EIF2AK2: variants seen among roughly 807,000 people sequenced by gnomAD.
The protein encoded by EIF2AK2 is interferon-induced, double-stranded RNA-activated protein kinase.
EIF2AK2 carries 40 observed loss-of-function variants against 70.5 expected under a neutral mutation model. The ratio of observed to expected loss-of-function variants is 0.57; its 90% CI spans 0.44 to 0.74. EIF2AK2 has a LOEUF of 0.74. EIF2AK2 is among the 30% of genes least tolerant of loss of function. EIF2AK2 has a pLI of 0.00. For synonymous variants in EIF2AK2, 198 were observed against 220.9 expected (o/e 0.90, Z 0.92); for missense variants, 555 against 644.3 (o/e 0.86, Z 1.50).
intron 11 of EIF2AK2, among the ~76,000 whole-genome samples, chr2:37,123,798 G>C (rs1674638262): frequency 1.3e-5 from 2 of 152,094 alleles, no homozygotes; most frequent in Non-Finnish European, 2.9e-5. Context: ...CAAGACCTAA[G>C]AAAATTCCAT....
rs570508885 is a variant in EIF2AK2, at chr2:37,139,716, A to G, written c.431T>C (p.Ile144Thr). Residue 144 changes from isoleucine to threonine, a missense_variant, in exon 6 of 17, where the codon ATT becomes ACT. Coordinates refer to ENST00000233057, the MANE Select transcript of EIF2AK2 (RefSeq NM_001135651.3). ...KCKMGQKEYS[I>T]GTGSTKQEAK... ...TTCCTGTTTAGTAGAACCTGTACCA[A>G]TACTATATTCTTTCTGTCCCATTTT... 3 of 1,613,672 alleles carry G rather than the reference A, an allele frequency of 1.9e-6. No homozygotes were observed. Among genetic ancestry groups the G allele is most frequent in the South Asian group, 1.1e-5 (1 of 90,952 alleles).
chr2:37,138,399 T>G, intron 7 of EIF2AK2, 36 bp from the exon 8 acceptor site: 1 of 1,601,540 alleles, frequency 6.2e-7, no homozygotes, highest in Middle Eastern at 1.7e-4. Flanking sequence ...GTTTATTAAT[T>G]CTGTTTTTAT....
In EIF2AK2 at chr2:37,141,638, T is replaced by C. The variant is rs987297404; in HGVS notation, c.304A>G (p.Ile102Val). 1 of 1,614,032 alleles carries C rather than the reference T, an allele frequency of 6.2e-7. No homozygotes were observed. The change falls in exon 5 of 17, where the codon ATA becomes GTA. Residue 102 changes from isoleucine (I) to valine (V), a missense_variant. This residue lies in a region of EIF2AK2 where 208 missense variants were observed against 191.8 expected (regional missense o/e 1.08). Coordinates refer to ENST00000233057, the MANE Select transcript of EIF2AK2 (RefSeq NM_001135651.3). ...TGGGCAATTCTATTGATAAGGCCTATGTAATTCCCCATGGATAATCCTTCT... is the reference window on the plus strand; with the variant it reads ...TGGGCAATTCTATTGATAAGGCCTACGTAATTCCCCATGGATAATCCTTCT... ...SSEGLSMGNY[I>V]GLINRIAQKK...
chr2:37,141,509 C>T, intron 5 of EIF2AK2, 44 bp downstream of exon 5: 1 of 1,597,460 alleles, frequency 6.3e-7, no homozygotes, highest in Non-Finnish European at 8.5e-7. Flanking sequence ...AACTTTATTG[C>T]TTAAATACAA....
At chr2:37,148,631 T>C (rs2148713889) in intron 2 of EIF2AK2, 1 of 840,138 alleles carries the variant, frequency 1.2e-6, no homozygotes, top group Non-Finnish European at 2.1e-6. Flanking sequence ...AGAATTGTCA[T>C]CAAATGACAT....
At chr2:37,117,403 A>G (rs1212767859) in intron 13 of EIF2AK2, among the ~76,000 whole-genome samples, 1 of 151,604 alleles carries the variant, frequency 6.6e-6, no homozygotes, top group African/African-American at 2.4e-5. Context: ...CTGCCTTGGT[A>G]GCCTGCACCT....
chr2:37,126,462 C>G (rs977997729), intron 10 of EIF2AK2, 51 bp from the exon 11 acceptor site: 3 of 1,574,536 alleles, frequency 1.9e-6, no homozygotes, highest in African/African-American at 2.8e-5. Context: ...CAACCCCCAC[C>G]CCCCCGCCTC....
chr2:37,149,068 G>T (rs554538643), intron 1 of EIF2AK2, 45 bp from the exon 2 acceptor site: 117 of 991,042 alleles, frequency 1.2e-4, no homozygotes, highest in Middle Eastern at 2.1e-4. Context: ...GCAACCGCTG[G>T]TTCAGACAGA....
chr2:37,155,763 A>C (rs1675899135), intron 1 of EIF2AK2, among the ~76,000 whole-genome samples: 1 of 152,134 alleles, frequency 6.6e-6, no homozygotes, highest in African/African-American at 2.4e-5. Flanking sequence ...CAACACGGTG[A>C]AACCCTGTCT....
chr2:37,114,397 AAAG>A (rs1227275714), intron 14 of EIF2AK2, among the ~76,000 whole-genome samples: 2 of 152,148 alleles, frequency 1.3e-5, no homozygotes, highest in Non-Finnish European at 2.9e-5. Flanking sequence ...GTTGTTAAAA[AAAG>A]AATGTGGCAG....
chr2:37,110,477 T>G (rs1674108052), intron 14 of EIF2AK2, among the ~76,000 whole-genome samples: 2 of 151,922 alleles, frequency 1.3e-5, no homozygotes, highest in African/African-American at 4.8e-5. Context: ...TTTAACCAAA[T>G]AGTGTGAGGG....
chr2:37,137,386 C>T (rs990551672), intron 8 of EIF2AK2, among the ~76,000 whole-genome samples: 3 of 152,188 alleles, frequency 2.0e-5, no homozygotes, highest in African/African-American at 7.2e-5. Context: ...TAACAGAATA[C>T]TCTTGTAACA....
chr2:37,150,588 C>G (rs542597982), intron 1 of EIF2AK2, among the ~76,000 whole-genome samples: 6 of 152,036 alleles, frequency 3.9e-5, no homozygotes, highest in African/African-American at 1.4e-4. Flanking sequence ...AAATGAGGAC[C>G]GCTTGTAGCC....
intron 9 of EIF2AK2, 90 bp downstream of exon 9, chr2:37,136,893 G>A: frequency 2.5e-6 from 3 of 1,188,070 alleles, no homozygotes; most frequent in Non-Finnish European, 3.5e-6. Flanking sequence ...TCAAATAAGG[G>A]TGTACAATAC....
intron 14 of EIF2AK2, among the ~76,000 whole-genome samples, chr2:37,111,398 CTTT>C (rs567678890): frequency 7.6e-6 from 1 of 130,870 alleles, no homozygotes; most frequent in Non-Finnish European, 1.7e-5. Flanking sequence ...AATTTCTTTT[CTTT>C]TTTTTTTTTT....
In EIF2AK2 at chr2:37,124,066, C is replaced by T. The variant is rs147508270; in HGVS notation, c.909-1402G>A. On this transcript the variant is annotated intron_variant, in intron 11 of 16. Coordinates refer to ENST00000233057, the MANE Select transcript of EIF2AK2 (RefSeq NM_001135651.3). Reference sequence around the variant, plus strand: ...CACTGCAACCTCCACCCCTAGGGCTCAAGCGATCCTCCTACCTCAGCCTCC... The same window carrying T: ...CACTGCAACCTCCACCCCTAGGGCTTAAGCGATCCTCCTACCTCAGCCTCC... Among the ~76,000 whole-genome samples the T allele has an allele frequency of 8.8e-4, 134 of 151,840 alleles. 2 individuals carry two copies. The highest frequency in any genetic ancestry group is 3.0e-3 in the African/African-American group (124 of 41,380).
chr2:37,136,993 T>G lies in EIF2AK2; in HGVS notation c.712A>C (p.Lys238Gln), dbSNP rs757232443. Residue 238 changes from lysine (K) to glutamine (Q), a missense_variant, in exon 9 of 17, where the codon AAG becomes CAG. Physicochemically the swap from Lys to Gln is moderately conservative, Grantham distance 53. This residue lies in a region of EIF2AK2 where 299 missense variants were observed against 375.4 expected (regional missense o/e 0.80). Transcript: ENST00000233057. ...CATAATGATACTCACCTTTTTGCCT[T>G]CCTTTGATTATTTCTGAGACCATTC... ...LMNGLRNNQR[K>Q]AKRSLAPRFD... The G allele has an allele frequency of 1.7e-4, 272 of 1,603,696 alleles. No individual in the cohort carries two copies. The highest frequency in any genetic ancestry group is 2.3e-4 in the Non-Finnish European group (271 of 1,176,508).
chr2:37,127,726 T>C (rs1674791969), intron 10 of EIF2AK2, among the ~76,000 whole-genome samples: 1 of 143,848 alleles, frequency 7.0e-6, no homozygotes. Context: ...GCTCTGACCA[T>C]AGTTTGTTCC....
chr2:37,130,704 CTGG>C (rs1440922897), intron 10 of EIF2AK2, among the ~76,000 whole-genome samples: 6 of 152,212 alleles, frequency 3.9e-5, no homozygotes, highest in Non-Finnish European at 7.3e-5. Flanking sequence ...AACAACTCAC[CTGG>C]ACTGTCTTCC....
Sources: allele counts gnomAD v4.1 joint callset (sites outside exome capture counted in the v4.1 genomes callset), GRCh38; gene constraint gnomAD v4.1.1; regional missense constraint gnomAD v4.1.1; transcripts MANE v1.5; gene names NCBI Gene and HGNC (gene_info 2026-07-23, HGNC 2026-07-21).